Variants in CLK4 observed in about 807,000 individuals in gnomAD.
CLK4 encodes the protein dual specificity protein kinase CLK4.
In CLK4, 37 loss-of-function variants were observed where a neutral mutation model predicts 64.4. The observed-to-expected ratio is 0.57, with a 90% CI of 0.44 to 0.76. The LOEUF (loss-of-function observed/expected upper bound fraction) is 0.76. CLK4 is among the 30% of genes least tolerant of loss of function. The pLI is 0.00. For synonymous variants in CLK4, 175 were observed against 191.6 expected, an observed-to-expected ratio of 0.91 and a Z score of 0.72; for missense variants, 457 against 605.1, an observed-to-expected ratio of 0.76 and a Z score of 2.57.
chr5:178,613,684 A>T lies in CLK4; in HGVS notation c.659+43T>A, dbSNP rs146531029. The T allele has an allele frequency of 2.9e-4, 473 of 1,604,574 alleles. 4 individuals carry two copies. In the East Asian group the frequency reaches 6.4e-3, roughly 22 times the overall value. On this transcript the variant is annotated intron_variant, in intron 6 of 12. Coordinates refer to ENST00000316308, the MANE Select transcript of CLK4 (RefSeq NM_020666.3). ...TAATTCAGTTTATGGAAACCTGAAT[A>T]TTTCATGTAATATGATGGCTCCTAG...
At chr5:178,611,139 C>T (rs979635710) in intron 9 of CLK4, among the ~76,000 whole-genome samples, 2 of 151,782 alleles carry the variant, frequency 1.3e-5, no homozygotes, top group Non-Finnish European at 2.9e-5. Context: ...GCACACTGTA[C>T]GATGCACCAC....
At chr5:178,613,688 C>T (rs756745741) in intron 6 of CLK4, 39 bp downstream of exon 6, 8 of 1,606,476 alleles carry the variant, frequency 5.0e-6, no homozygotes, top group Non-Finnish European at 6.8e-6. Context: ...CTGAATATTT[C>T]ATGTAATATG....
intron 9 of CLK4, 57 bp downstream of exon 9, chr5:178,612,358 GT>G: frequency 1.3e-6 from 2 of 1,496,076 alleles, no homozygotes; most frequent in Non-Finnish European, 1.8e-6. Context: ...CAGTAAAGCT[GT>G]AAAGAACAAA....
chr5:178,607,507 CTTTTTTTTTT>C (rs70997615), intron 10 of CLK4, among the ~76,000 whole-genome samples: 2 of 78,060 alleles, frequency 2.6e-5, no homozygotes, highest in Admixed American at 3.8e-4. Context: ...TACACTTTGT[CTTTTTTTTTT>C]TTTTTTTTTT....
intron 11 of CLK4, chr5:178,605,084 C>T (rs564199767): frequency 4.1e-5 from 10 of 245,222 alleles, no homozygotes; most frequent in Admixed American, 3.0e-4. Flanking sequence ...GAGCTGAGAT[C>T]GTGCCACTGC....
At chr5:178,624,440 C>T (rs1241642701) in intron 1 of CLK4, among the ~76,000 whole-genome samples, 2 of 152,172 alleles carry the variant, frequency 1.3e-5, no homozygotes, top group Non-Finnish European at 2.9e-5. Flanking sequence ...AAAAAGAACT[C>T]AACCTACAAG....
chr5:178,613,414 G>A (rs1012989739), intron 7 of CLK4, 59 bp downstream of exon 7: 30 of 1,185,418 alleles, frequency 2.5e-5, no homozygotes, highest in South Asian at 5.7e-5. Flanking sequence ...GCGAGACTCC[G>A]TCTCAAAATA....
rs1013712304 is a variant in CLK4, at chr5:178,623,291, A to G, written c.126T>C (p.His42=). ...RSHSSTQENR[H]CKPHHQFKES... ...CTTTAAACTGGTGATGTGGTTTACA[A>G]TGCCTGTTCTCTTGTGTGCTACTAT... is the stretch of plus-strand genomic sequence containing the variant. Residue 42 remains histidine (H), a synonymous_variant, in exon 2 of 13, where the codon CAT becomes CAC. Coordinates refer to ENST00000316308, the MANE Select transcript of CLK4 (RefSeq NM_020666.3). 6 of 1,613,888 alleles carry G rather than the reference A, an allele frequency of 3.7e-6. No homozygotes were observed. In the Admixed American group the frequency reaches 6.7e-5, roughly 18 times the overall value.
chr5:178,610,238 C>T (rs886317512), intron 9 of CLK4, among the ~76,000 whole-genome samples: 2 of 151,406 alleles, frequency 1.3e-5, no homozygotes, highest in East Asian at 3.9e-4. Flanking sequence ...TGCAGTGAGC[C>T]GAGATCGTGC....
chr5:178,616,852 G>C (rs1372287799), intron 5 of CLK4, 30 bp downstream of exon 5: 1 of 1,500,034 alleles, frequency 6.7e-7, no homozygotes, highest in Non-Finnish European at 9.3e-7. Context: ...AAAAACATCA[G>C]AATGTTTGAA....
rs1222400808 is a variant in CLK4 at position 178,619,896 on chromosome 5, A to G, written c.162-1118T>C. On this transcript the variant is annotated intron_variant, in intron 2 of 12. Transcript: ENST00000316308. Reference sequence around the variant, plus strand: ...GCTTCAAGAGGGATGCACATGGAGCACTGAGGGAGAGAGGGGACACCTGCC... The same window carrying G: ...GCTTCAAGAGGGATGCACATGGAGCGCTGAGGGAGAGAGGGGACACCTGCC... The G allele has an allele frequency of 1.3e-5, 10 of 784,344 alleles. No individual in the cohort carries two copies. The Admixed American group carries it at 2.3e-4, about 18-fold the overall frequency. The allele number at this position is 784,344 out of a possible 1,614,324, so 48.6% of individuals were successfully genotyped here.
chr5:178,623,811 T>G (rs1275756151), intron 1 of CLK4, among the ~76,000 whole-genome samples: 2 of 152,180 alleles, frequency 1.3e-5, no homozygotes, highest in African/African-American at 2.4e-5. Flanking sequence ...AGCTAAAAAT[T>G]AGTAACGTTT....
chr5:178,622,380 A>C, intron 2 of CLK4: 3 of 977,518 alleles, frequency 3.1e-6, no homozygotes, highest in South Asian at 4.7e-5. Context: ...GGAGAAGGAA[A>C]GAAATTACAT....
intron 5 of CLK4, 120 bp from the exon 6 acceptor site, chr5:178,613,963 A>ATT (rs1437317791): frequency 1.8e-5 from 12 of 667,800 alleles, no homozygotes; most frequent in Non-Finnish European, 2.8e-5. Flanking sequence ...AATCTTTCAG[A>ATT]ACATATTATA....
intron 1 of CLK4, among the ~76,000 whole-genome samples, chr5:178,626,303 T>G (rs980403628): frequency 2.0e-5 from 3 of 152,162 alleles, no homozygotes; most frequent in Admixed American, 2.0e-4. Context: ...CCAGGGATAA[T>G]AAGATGCAAA....
chr5:178,617,318 A>G lies in CLK4; in HGVS notation c.475+26T>C. On this transcript the variant is annotated intron_variant, in intron 4 of 12. Coordinates refer to ENST00000316308, the MANE Select transcript of CLK4 (RefSeq NM_020666.3). The surrounding 1 kb of genome is among the most constrained non-coding windows in gnomAD (Gnocchi z 5.2). ...AAAGATTATTCTTTCTGCAAAGTTT[A>G]AAAAGTGTTGAAAAATATTCTATAC... is the stretch of plus-strand genomic sequence containing the variant. 1 of 1,557,754 alleles carries G rather than the reference A, an allele frequency of 6.4e-7. No homozygotes were observed. The highest frequency in any genetic ancestry group is 1.7e-5 in the Admixed American group (1 of 59,948).
At chr5:178,618,902 G>A (rs1764666353) in intron 2 of CLK4, 124 bp from the exon 3 acceptor site, 1 of 660,116 alleles carries the variant, frequency 1.5e-6, no homozygotes, top group African/African-American at 1.8e-5. Flanking sequence ...TCAAACAGAT[G>A]AATTAGCATT....
At chr5:178,624,991 T>C (rs906629715) in intron 1 of CLK4, among the ~76,000 whole-genome samples, 2 of 152,212 alleles carry the variant, frequency 1.3e-5, no homozygotes, top group African/African-American at 4.8e-5. Flanking sequence ...CAGCTCACTT[T>C]ACAGAGGAAG....
rs769090703 is a variant in CLK4 at position 178,617,267 on chromosome 5, GC to G, written c.475+76del. 19 of 1,150,868 alleles carry G rather than the reference GC, an allele frequency of 1.7e-5. No homozygotes were observed. Among genetic ancestry groups the G allele is most frequent in the Non-Finnish European group, 2.5e-5 (19 of 765,230 alleles). The allele number at this position is 1,150,868 out of a possible 1,614,324, so 71.3% of individuals were successfully genotyped here. On this transcript the variant is annotated intron_variant, in intron 4 of 12. Transcript: ENST00000316308. This position sits in a 1 kb window ranked among gnomAD's most constrained non-coding sequence, Gnocchi z 5.2. Reference sequence around the variant, plus strand: ...TAAAAAAGCAATGAAGAGTTCTTTAGCCCCCCGCTGACAAACTATTCTTAAA... The same window carrying G: ...TAAAAAAGCAATGAAGAGTTCTTTAGCCCCCGCTGACAAACTATTCTTAAA...
Sources: allele counts gnomAD v4.1 joint callset (sites outside exome capture counted in the v4.1 genomes callset), GRCh38; gene constraint gnomAD v4.1.1; non-coding constraint Gnocchi (gnomAD v3.1); transcripts MANE v1.5; gene names NCBI Gene and HGNC (gene_info 2026-07-23, HGNC 2026-07-21).